The following ICE1 variants were observed in gnomAD, a reference collection of about 807,000 sequenced individuals.
ICE1 encodes the protein little elongation complex subunit 1.
ICE1 carries 64 observed loss-of-function variants against 192.7 expected under a neutral mutation model. That is an observed-to-expected ratio of 0.33 (90% CI 0.27 to 0.41). ICE1 has a LOEUF of 0.41. ICE1 is among the 10% of genes least tolerant of loss of function. ICE1 has a pLI of 1.00. For synonymous variants in ICE1, 1,010 were observed against 984.5 expected (o/e 1.03, Z -0.49); for missense variants, 2,708 against 2,696.0 (o/e 1.00, Z -0.10).
At chr5:5,484,027 G>A (rs1739573930) in intron 17 of ICE1, among the ~76,000 whole-genome samples, 1 of 152,168 alleles carries the variant, frequency 6.6e-6, no homozygotes, top group Non-Finnish European at 1.5e-5. Flanking sequence ...GGGCTCCCTT[G>A]ACAGTGCTGG....
In ICE1 at chr5:5,460,923, T is replaced by G. The variant is rs778905670; in HGVS notation, c.1589T>G (p.Leu530Trp). 259 of 1,613,872 alleles carry G rather than the reference T, an allele frequency of 1.6e-4. No homozygotes were observed. The highest frequency in any genetic ancestry group is 1.6e-4 in the Non-Finnish European group (190 of 1,179,884). The change falls in exon 13 of 19, where the codon TTG becomes TGG. Residue 530 changes from leucine (L) to tryptophan (W), a missense_variant. Leu to Trp is a moderately conservative substitution (Grantham distance 61, BLOSUM62 -2). Transcript: ENST00000296564. Reference sequence around the variant, plus strand: ...GAAGCTGCCCCTGGGAAGTCTGAGTTGTGTTCTTCTCCCCTTGGCAAAAGG... The same window carrying G: ...GAAGCTGCCCCTGGGAAGTCTGAGTGGTGTTCTTCTCCCCTTGGCAAAAGG... ...EKEAAPGKSE[L>W]CSSPLGKRPL...
Position 5,464,614 on chromosome 5 carries a change from T to G in ICE1, c.5280T>G (p.Ser1760=). Residue 1760 remains serine, a synonymous_variant, in exon 13 of 19, where the codon TCT becomes TCG. Transcript: ENST00000296564. The surrounding 1 kb of genome is among the most constrained non-coding windows in gnomAD (Gnocchi z 4.0). ...TTGACACCATGTATCCAGAGTTATC[T>G]GCCAGGGCCCGGACCCTCAACATCC... is the stretch of plus-strand genomic sequence containing the variant. ...KILDTMYPEL[S]ARARTLNILK... The G allele has an allele frequency of 6.2e-7, 1 of 1,612,186 alleles. No individual in the cohort carries two copies. Among genetic ancestry groups the G allele is most frequent in the Admixed American group, 1.7e-5 (1 of 59,684 alleles).
In ICE1 at chr5:5,462,411, G is replaced by A. The variant is rs757231192; in HGVS notation, c.3077G>A (p.Arg1026Lys). 6.2e-7 allele frequency: 1 copy of A among 1,614,028 alleles called. No homozygotes were observed. The highest frequency in any genetic ancestry group is 1.3e-5 in the African/African-American group (1 of 75,054). ...GAAACCAGCTGTGGAGACACAGGGA[G>A]ATCTGGTGGTGAGGCCCTGGCTGTT... is the stretch of plus-strand genomic sequence containing the variant. ...VEETSCGDTG[R>K]SGGEALAVAN... Residue 1026 changes from arginine (R) to lysine (K), a missense_variant, in exon 13 of 19, where the codon AGA becomes AAA. Arg to Lys is a conservative substitution (Grantham distance 26, BLOSUM62 2). This residue lies in a region of ICE1 where 2,366 missense variants were observed against 2,276.6 expected (regional missense o/e 1.04). Coordinates refer to ENST00000296564, the MANE Select transcript of ICE1 (RefSeq NM_015325.3).
chr5:5,486,896 T>C (rs1236286156), intron 18 of ICE1, 77 bp downstream of exon 18: 1 of 1,016,256 alleles, frequency 9.8e-7, no homozygotes, highest in East Asian at 2.6e-5. Context: ...GGGTCCTTGC[T>C]GTGTGCTGTG....
At position 5,463,076 on chromosome 5, in the gene ICE1, A is replaced by G. The variant is rs779689177; in HGVS notation, c.3742A>G (p.Thr1248Ala). The G allele has an allele frequency of 6.2e-7, 1 of 1,613,644 alleles. No individual in the cohort carries two copies. Among genetic ancestry groups the G allele is most frequent in the South Asian group, 1.1e-5 (1 of 90,900 alleles). Residue 1248 changes from threonine (T) to alanine (A), a missense_variant, in exon 13 of 19, where the codon ACA becomes GCA. By Grantham distance (58) the Thr-to-Ala change is moderately conservative. Coordinates refer to ENST00000296564, the MANE Select transcript of ICE1 (RefSeq NM_015325.3). Reference sequence around the variant, plus strand: ...GGAAGATGATTATTCGTTAAAAAATACAAGTCAGCTCACTCAGTGTTCTTT... The same window carrying G: ...GGAAGATGATTATTCGTTAAAAAATGCAAGTCAGCTCACTCAGTGTTCTTT... ...SEEDDYSLKN[T>A]SQLTQCSLET... is the part of the protein sequence containing the mutation.
rs1738778977 is a variant in ICE1, at chr5:5,461,521, A to G, written c.2187A>G (p.Val729=). The G allele has an allele frequency of 6.2e-7, 1 of 1,613,288 alleles. No homozygotes were observed. Among genetic ancestry groups the G allele is most frequent in the Admixed American group, 1.7e-5 (1 of 59,918 alleles). Residue 729 remains valine, a synonymous_variant, in exon 13 of 19, where the codon GTA becomes GTG. Transcript: ENST00000296564. ...GTGGGATAGAATATACAAAAGTAGT[A>G]AAAGGCTTGACCAAAATACATTCAC... The part of the protein sequence containing the change: ...KSSGIEYTKV[V]KGLTKIHSLP...
intron 12 of ICE1, among the ~76,000 whole-genome samples, chr5:5,458,626 C>G: frequency 6.6e-6 from 1 of 152,074 alleles, no homozygotes; most frequent in East Asian, 1.9e-4. Context: ...AATGTAGAAG[C>G]AAGGGTGAGC....
intron 14 of ICE1, among the ~76,000 whole-genome samples, chr5:5,468,500 A>C (rs1018462408): frequency 6.6e-6 from 1 of 152,286 alleles, no homozygotes; most frequent in Non-Finnish European, 1.5e-5. Context: ...TCTTCAAATC[A>C]GAAGCTTTAT....
At chr5:5,435,608 G>A (rs773981199) in intron 1 of ICE1, among the ~76,000 whole-genome samples, 1 of 151,048 alleles carries the variant, frequency 6.6e-6, no homozygotes, top group South Asian at 2.1e-4. Context: ...GTGTAACTAA[G>A]GATGTTTTTC....
At chr5:5,437,867 C>A (rs536904023) in intron 3 of ICE1, 1 of 152,138 alleles carries the variant, frequency 6.6e-6, no homozygotes, top group African/African-American at 2.4e-5. Context: ...GCTTCATGTT[C>A]GATGTCAGGA....
chr5:5,442,937 T>C (rs1465888094), intron 5 of ICE1, among the ~76,000 whole-genome samples: 2 of 152,226 alleles, frequency 1.3e-5, no homozygotes, highest in Non-Finnish European at 2.9e-5. Flanking sequence ...GGTTTAGAAT[T>C]GCAATAAAAT....
intron 13 of ICE1, 88 bp from the exon 14 acceptor site, chr5:5,466,246 C>T: frequency 3.3e-6 from 4 of 1,224,782 alleles, no homozygotes; most frequent in Non-Finnish European, 4.4e-6. Flanking sequence ...TCAATAGATA[C>T]TTAAGTTTTG....
At position 5,464,362 on chromosome 5, in the gene ICE1, A is replaced by C. The variant is rs771147996; in HGVS notation, c.5028A>C (p.Pro1676=). The C allele has an allele frequency of 6.2e-7, 1 of 1,613,762 alleles. No homozygotes were observed. The highest frequency in any genetic ancestry group is 8.5e-7 in the Non-Finnish European group (1 of 1,179,850). ...VGQVSPFRET[P]VPPAMSPWPE... ...AGGTTTCTCCCTTCCGTGAAACCCC[A>C]GTGCCTCCTGCCATGTCTCCATGGC... The change falls in exon 13 of 19, where the codon CCA becomes CCC. Residue 1676 remains proline (P), a synonymous_variant. Coordinates refer to ENST00000296564, the MANE Select transcript of ICE1 (RefSeq NM_015325.3). The surrounding 1 kb of genome is among the most constrained non-coding windows in gnomAD (Gnocchi z 4.0).
At position 5,447,392 on chromosome 5, in the gene ICE1, A is replaced by G. The variant is rs1738262338; in HGVS notation, c.425-35A>G. ...ACCACAGTAGTAAAGTTAGTAAATT[A>G]TTTTTCTCTCCCTATTGCTTCATTG... On this transcript the variant is annotated intron_variant, in intron 7 of 18. Transcript: ENST00000296564. 6 of 1,358,220 alleles carry G rather than the reference A, an allele frequency of 4.4e-6. No individual in the cohort carries two copies. In the East Asian group the frequency reaches 1.5e-4, roughly 34 times the overall value. The allele number at this position is 1,358,220 out of a possible 1,614,324, so 84.1% of individuals were successfully genotyped here.
At chr5:5,485,686 C>A (rs985520247) in intron 17 of ICE1, among the ~76,000 whole-genome samples, 1 of 152,140 alleles carries the variant, frequency 6.6e-6, no homozygotes, top group African/African-American at 2.4e-5. Flanking sequence ...GATTTTGTAA[C>A]CTGCATTATT....
At chr5:5,471,427 C>G (rs555362205) in intron 15 of ICE1, among the ~76,000 whole-genome samples, 1 of 151,930 alleles carries the variant, frequency 6.6e-6, no homozygotes, top group Non-Finnish European at 1.5e-5. Context: ...CTATTTTAAG[C>G]ATGAGGAAAA....
At chr5:5,442,414 A>G (rs758551067) in intron 5 of ICE1, among the ~76,000 whole-genome samples, 4 of 152,340 alleles carry the variant, frequency 2.6e-5, no homozygotes, top group Middle Eastern at 3.4e-3. Flanking sequence ...TACTATATGT[A>G]TAACTATGCT....
chr5:5,476,000 A>G lies in ICE1; in HGVS notation c.6441A>G (p.Lys2147=), dbSNP rs770353797. 5 of 1,611,382 alleles carry G rather than the reference A, an allele frequency of 3.1e-6. No homozygotes were observed. The highest frequency in any genetic ancestry group is 3.4e-6 in the Non-Finnish European group (4 of 1,178,266). The change falls in exon 17 of 19, where the codon AAA becomes AAG. Residue 2147 remains lysine (K), a synonymous_variant. Coordinates refer to ENST00000296564, the MANE Select transcript of ICE1 (RefSeq NM_015325.3). ...AGGAGCTGTGGCCTGTGATGGATAA[A>G]TGGATAAAATACAGAAAAGGACATG... The part of the protein sequence containing the change: ...ISKELWPVMD[K]WIKYRKGHAN...
chr5:5,463,123 G>A lies in ICE1; in HGVS notation c.3789G>A (p.Leu1263=). Residue 1263 remains leucine, a synonymous_variant, in exon 13 of 19, where the codon CTG becomes CTA. Transcript: ENST00000296564. Reference sequence around the variant, plus strand: ...CTTTGGAAACTCTGTCTGAGGTTCTGACCAAGATTAGGCAAGAACTTCAAA... The same window carrying A: ...CTTTGGAAACTCTGTCTGAGGTTCTAACCAAGATTAGGCAAGAACTTCAAA... ...QCSLETLSEV[L]TKIRQELQTN... 6.2e-7 allele frequency: 1 copy of A among 1,612,998 alleles called. No individual in the cohort carries two copies.
Sources: allele counts gnomAD v4.1 joint callset (sites outside exome capture counted in the v4.1 genomes callset), GRCh38; gene constraint gnomAD v4.1.1; regional missense constraint gnomAD v4.1.1; non-coding constraint Gnocchi (gnomAD v3.1); transcripts MANE v1.5; gene names NCBI Gene and HGNC (gene_info 2026-07-23, HGNC 2026-07-21).